Variants in COLQ observed in about 807,000 individuals in gnomAD.
The protein encoded by COLQ is collagen like tail subunit of asymmetric acetylcholinesterase, also known as acetylcholinesterase collagenic tail peptide.
A neutral mutation model predicts 69.0 loss-of-function variants in COLQ; 48 were observed. The ratio of observed to expected loss-of-function variants is 0.70; its 90% CI spans 0.55 to 0.88. COLQ has a LOEUF of 0.88. Ranked by LOEUF, COLQ falls within the 40% of genes least tolerant of loss-of-function variation. COLQ has a pLI of 0.00. For missense variants in COLQ, 618 were observed against 594.6 expected (o/e 1.04, Z -0.41); for synonymous variants, 217 against 211.2 (o/e 1.03, Z -0.24).
At chr3:15,499,021 C>CGG in intron 1 of COLQ, 21 of 983,968 alleles carry the variant, frequency 2.1e-5, no homozygotes, top group Admixed American at 1.6e-4. Flanking sequence ...TCAAAGTCAA[C>CGG]CCCCCACCGA....
intron 1 of COLQ, among the ~76,000 whole-genome samples, chr3:15,517,673 G>A (rs2063080795): frequency 1.3e-5 from 2 of 152,140 alleles, no homozygotes; most frequent in Admixed American, 1.3e-4. Context: ...GATCTACCAA[G>A]TGTCACGGTG....
At chr3:15,506,754 C>T (rs938117226) in intron 1 of COLQ, 10 of 152,196 alleles carry the variant, frequency 6.6e-5, no homozygotes, top group East Asian at 3.9e-4. Context: ...TGGGGCACCC[C>T]GCTCCTGGAA....
intron 8 of COLQ, 95 bp downstream of exon 8, chr3:15,474,830 T>C (rs2062351186): frequency 7.0e-7 from 1 of 1,433,640 alleles, no homozygotes; most frequent in Admixed American, 1.7e-5. Context: ...AGTTGCAGAC[T>C]AAAGAGAGAC....
rs576379416 is a variant in COLQ at position 15,459,432 on chromosome 3, T to A, written c.815-1107A>T. On this transcript the variant is annotated intron_variant, in intron 12 of 16. Transcript: ENST00000383788. ...AACCTAGGCAGCATCCACACTTTTA[T>A]TTATTTATTAAAAAAAATTTTTTTA... Among the ~76,000 whole-genome samples the A allele has an allele frequency of 3.5e-4, 54 of 152,144 alleles. No individual in the cohort carries two copies. In the South Asian group the frequency reaches 5.0e-3, roughly 14 times the overall value.
intron 3 of COLQ, among the ~76,000 whole-genome samples, chr3:15,482,474 G>C (rs186040745): frequency 1.1e-3 from 168 of 152,276 alleles, no homozygotes; most frequent in African/African-American, 3.9e-3. Context: ...TAATTATGTG[G>C]TTTTTGTCTT....
chr3:15,488,934 T>C (rs776366874), intron 2 of COLQ, among the ~76,000 whole-genome samples: 2 of 152,182 alleles, frequency 1.3e-5, no homozygotes, highest in African/African-American at 4.8e-5. Context: ...ATTGGACAGC[T>C]CAGGAGACAG....
At chr3:15,488,126 AG>A in intron 3 of COLQ, 79 bp downstream of exon 3, 1 of 1,000,664 alleles carries the variant, frequency 1.0e-6, no homozygotes, top group Non-Finnish European at 1.5e-6. Context: ...GAGAAAGAGC[AG>A]ACACTAAGAG....
chr3:15,484,385 GA>G (rs971553185), intron 3 of COLQ, among the ~76,000 whole-genome samples: 15 of 152,224 alleles, frequency 9.9e-5, no homozygotes, highest in South Asian at 2.1e-4. Flanking sequence ...CTTCCTTCAG[GA>G]ACTCTTGAAA....
chr3:15,452,107 C>G (rs974066426), intron 16 of COLQ, among the ~76,000 whole-genome samples: 10 of 151,906 alleles, frequency 6.6e-5, no homozygotes, highest in East Asian at 1.9e-4. Flanking sequence ...CGCTCTGTCC[C>G]CCAGGCTGGA....
At chr3:15,454,672 T>C (rs1396498165) in intron 15 of COLQ, among the ~76,000 whole-genome samples, 1 of 123,572 alleles carries the variant, frequency 8.1e-6, no homozygotes, top group African/African-American at 2.9e-5. Flanking sequence ...TTTTTTTTTT[T>C]TGAGACAGGG....
rs1252515547 is a variant in COLQ at position 15,450,411 on chromosome 3, C to A, written c.*1233G>T. ...TCATTAAATAGCTTCGTACAAAAAC[C>A]CAAGGGTGTCCCTCCAGCTGGTAAA... On this transcript the variant is annotated 3_prime_UTR_variant, in exon 17 of 17. Coordinates refer to ENST00000383788, the MANE Select transcript of COLQ (RefSeq NM_005677.4). 1 of 153,718 alleles carries A rather than the reference C, an allele frequency of 6.5e-6. No homozygotes were observed. The highest frequency in any genetic ancestry group is 1.5e-5 in the Non-Finnish European group (1 of 68,052). The allele number at this position is 153,718 out of a possible 1,614,324, so 9.5% of individuals were successfully genotyped here. A position where few individuals can be genotyped will look rare whatever the true frequency, so the allele number is the denominator to read the frequency against.
At chr3:15,518,710 G>A (rs1481319919) in intron 1 of COLQ, among the ~76,000 whole-genome samples, 1 of 152,150 alleles carries the variant, frequency 6.6e-6, no homozygotes, top group Non-Finnish European at 1.5e-5. Flanking sequence ...GCCCATGAGA[G>A]CTCTTCCTCC....
chr3:15,521,089 G>A (rs1286897901), intron 1 of COLQ, among the ~76,000 whole-genome samples: 1 of 152,090 alleles, frequency 6.6e-6, no homozygotes, highest in East Asian at 1.9e-4. Context: ...ATCTGGGTCT[G>A]GAAAGAGGTT....
chr3:15,466,209 A>T (rs2062197088), intron 12 of COLQ, 132 bp downstream of exon 12: 1 of 649,854 alleles, frequency 1.5e-6, no homozygotes, highest in African/African-American at 1.8e-5. Flanking sequence ...GAGAAATTAC[A>T]AAGATATTGG....
intron 1 of COLQ, among the ~76,000 whole-genome samples, chr3:15,505,132 T>G (rs560150558): frequency 4.8e-4 from 73 of 152,326 alleles, no homozygotes; most frequent in African/African-American, 1.7e-3. Context: ...TCAGCCCAAC[T>G]CCCTTGTTGG....
intron 1 of COLQ, among the ~76,000 whole-genome samples, chr3:15,510,029 A>T (rs1386625412): frequency 3.3e-5 from 5 of 152,150 alleles, no homozygotes; most frequent in Non-Finnish European, 7.3e-5. Flanking sequence ...AAAAAAAATT[A>T]GCCAGGCGTG....
chr3:15,469,099 C>T (rs2062243525), intron 11 of COLQ, among the ~76,000 whole-genome samples: 1 of 152,194 alleles, frequency 6.6e-6, no homozygotes, highest in Admixed American at 6.5e-5. Context: ...ACGACCCCAA[C>T]ACCGAGGGTT....
chr3:15,482,505 A>C (rs1278327731), intron 3 of COLQ, among the ~76,000 whole-genome samples: 2 of 152,080 alleles, frequency 1.3e-5, no homozygotes, highest in East Asian at 3.8e-4. Context: ...TATATGCTGG[A>C]TTACATTTAT....
intron 3 of COLQ, among the ~76,000 whole-genome samples, chr3:15,483,959 A>C (rs574176417): frequency 2.0e-5 from 3 of 152,292 alleles, no homozygotes; most frequent in African/African-American, 7.2e-5. Context: ...TCCCTTTACC[A>C]TTATGTAATG....
Sources: allele counts gnomAD v4.1 joint callset (sites outside exome capture counted in the v4.1 genomes callset), GRCh38; gene constraint gnomAD v4.1.1; transcripts MANE v1.5; gene names NCBI Gene and HGNC (gene_info 2026-07-23, HGNC 2026-07-21).